Variants in RSPH14 observed in about 807,000 individuals in gnomAD.
The protein encoded by RSPH14 is radial spoke head 14 homolog.
RSPH14 carries 20 observed loss-of-function variants against 26.7 expected under a neutral mutation model. The ratio of observed to expected loss-of-function variants is 0.75; its 90% CI spans 0.53 to 1.09. The LOEUF is 1.09. Ranked by LOEUF, RSPH14 falls within the 50% of genes least tolerant of loss-of-function variation. RSPH14 has a pLI of 0.00. For missense variants in RSPH14, 449 were observed against 457.2 expected, an observed-to-expected ratio of 0.98 and a Z score of 0.16; for synonymous variants, 177 against 189.3, an observed-to-expected ratio of 0.93 and a Z score of 0.53.
Position 23,117,607 on chromosome 22 carries a change from C to T in RSPH14, c.421+16419G>A, listed in dbSNP as rs573545601. ...CCAAGGCGAATCACAGTGGGTGTGG[C>T]GTGGAGAGGGCCCACTGGGGTGCCA... is the stretch of plus-strand genomic sequence containing the variant. On this transcript the variant is annotated intron_variant, in intron 4 of 6. Transcript: ENST00000216036. 3.3e-5 allele frequency among the ~76,000 whole-genome samples: 5 copies of T among 152,316 alleles called. No homozygotes were observed. In the South Asian group the frequency reaches 6.2e-4, roughly 19 times the overall value.
chr22:23,093,497 G>A (rs928905183), intron 4 of RSPH14, among the ~76,000 whole-genome samples: 5 of 152,250 alleles, frequency 3.3e-5, no homozygotes, highest in Non-Finnish European at 7.3e-5. Context: ...ACAAGGTCAT[G>A]TAGGTCACAC....
At chr22:23,148,034 C>T (rs932032052), upstream of RSPH14, among the ~76,000 whole-genome samples, 1 of 152,084 alleles carries the variant, frequency 6.6e-6, no homozygotes, top group African/African-American at 2.4e-5. Context: ...CGGACAGGTG[C>T]AGAGGGATAG....
At chr22:23,152,582 C>T in the RSPH14 span, 1 of 1,546,414 alleles carries the variant, frequency 6.5e-7, no homozygotes, top group Admixed American at 1.7e-5. Context: ...GTTGTCATAC[C>T]TTTGCCTGGG....
intron 3 of RSPH14, among the ~76,000 whole-genome samples, chr22:23,134,548 C>CAAAAAAAAAAAAA (rs59412175): frequency 1.2e-5 from 1 of 86,140 alleles, no homozygotes. Context: ...AACTCCCAAC[C>CAAAAAAAAAAAAA]AAAAAAAAAA....
upstream of RSPH14, among the ~76,000 whole-genome samples, chr22:23,143,823 G>C (rs192262444): frequency 4.6e-5 from 7 of 152,332 alleles, no homozygotes; most frequent in East Asian, 1.3e-3. Context: ...AGGTGTGCTG[G>C]CTTACGCCTG....
chr22:23,110,611 A>C (rs2069617189), intron 4 of RSPH14, among the ~76,000 whole-genome samples: 1 of 152,228 alleles, frequency 6.6e-6, no homozygotes, highest in African/African-American at 2.4e-5. Context: ...TTGGCCAACC[A>C]GGCTGTGTGC....
At chr22:23,100,799 A>G (rs7291987) in intron 4 of RSPH14, among the ~76,000 whole-genome samples, 3,907 of 152,280 alleles carry the variant, frequency 0.026, 173 homozygotes, top group African/African-American at 0.09. Flanking sequence ...AGCAGCTGGG[A>G]CACTCAGCCC....
chr22:23,092,385 C>T (rs1347298242), intron 4 of RSPH14, among the ~76,000 whole-genome samples: 1 of 152,172 alleles, frequency 6.6e-6, no homozygotes, highest in Admixed American at 6.5e-5. Context: ...GCACAGGGCG[C>T]TCATACCCCC....
chr22:23,116,590 T>G, intron 4 of RSPH14, among the ~76,000 whole-genome samples: 1 of 152,206 alleles, frequency 6.6e-6, no homozygotes, highest in East Asian at 1.9e-4. Flanking sequence ...CTCAGGGAGC[T>G]GCAACTACAG....
At chr22:23,084,961 G>C (rs986966129) in intron 4 of RSPH14, among the ~76,000 whole-genome samples, 1 of 152,208 alleles carries the variant, frequency 6.6e-6, no homozygotes, top group Admixed American at 6.5e-5. Flanking sequence ...TGATGCAGAA[G>C]TGCTGCTCCA....
chr22:23,081,257 G>C lies in RSPH14; in HGVS notation c.422-17124C>G, dbSNP rs148297960. On this transcript the variant is annotated intron_variant, in intron 4 of 6. Transcript: ENST00000216036. ...TTGGAAAAAGTAAACGAGATGTCAC[G>C]CAAGGTGTGCTGTGGTTTAAGCAAG... Among the ~76,000 whole-genome samples the C allele has an allele frequency of 1.1e-3, 174 of 152,276 alleles. 2 individuals carry two copies. The highest frequency in any genetic ancestry group is 4.8e-3 in the Admixed American group (74 of 15,274).
At chr22:23,116,728 C>T (rs554984268) in intron 4 of RSPH14, among the ~76,000 whole-genome samples, 1 of 152,314 alleles carries the variant, frequency 6.6e-6, no homozygotes, top group South Asian at 2.1e-4. Flanking sequence ...AGGCGCTTGT[C>T]CCACACAGCT....
chr22:23,093,718 C>A (rs528707331), intron 4 of RSPH14, among the ~76,000 whole-genome samples: 2 of 152,268 alleles, frequency 1.3e-5, no homozygotes. Context: ...CTGGGAGAGG[C>A]AAGCAAGGCA....
chr22:23,159,742 CAG>C, the RSPH14 span, among the ~76,000 whole-genome samples: 96 of 152,328 alleles, frequency 6.3e-4, no homozygotes, highest in Middle Eastern at 3.4e-3. Context: ...GGCCCAGTGA[CAG>C]GGGCTCCCAT....
chr22:23,096,083 C>T (rs1432454071), intron 4 of RSPH14: 2 of 1,609,142 alleles, frequency 1.2e-6, no homozygotes, highest in East Asian at 2.2e-5. Context: ...TGTCATGCGA[C>T]GGCTCTGGGC....
upstream of RSPH14, chr22:23,145,701 T>C: frequency 9.7e-7 from 1 of 1,029,882 alleles, no homozygotes; most frequent in Non-Finnish European, 1.4e-6. Context: ...GGCGTCCTCA[T>C]TTCCGGAGCG....
chr22:23,068,048 G>C (rs1226343159), intron 4 of RSPH14, among the ~76,000 whole-genome samples: 1 of 152,108 alleles, frequency 6.6e-6, no homozygotes, highest in African/African-American at 2.4e-5. Flanking sequence ...TAAAACTCTC[G>C]AGCAGTTCTT....
chr22:23,081,064 G>T lies in RSPH14; in HGVS notation c.422-16931C>A, dbSNP rs571350996. 5.3e-5 allele frequency among the ~76,000 whole-genome samples: 8 copies of T among 152,314 alleles called. No individual in the cohort carries two copies. In the South Asian group the frequency reaches 1.7e-3, roughly 32 times the overall value. ...GCCTGGAATACTGTGTAAACTGGTG[G>T]GCTGTGACTGTATAGAGGGCTTCTG... On this transcript the variant is annotated intron_variant, in intron 4 of 6. Transcript: ENST00000216036.
At chr22:23,179,995 T>G in the RSPH14 span, 1 of 340,564 alleles carries the variant, frequency 2.9e-6, no homozygotes, top group East Asian at 6.6e-5. Context: ...GATGGTGGCC[T>G]CTGACACGAC....
Sources: gnomAD v4.1 joint callset for allele counts (sites outside exome capture counted in the v4.1 genomes callset) on GRCh38, gnomAD v4.1.1 for gene constraint, MANE v1.5 for transcripts, NCBI Gene and HGNC (gene_info 2026-07-23, HGNC 2026-07-21) for gene names.